ANKRD11: variants seen among roughly 807,000 people sequenced by gnomAD.
The protein encoded by ANKRD11 is ankyrin repeat domain 11.
In ANKRD11, 17 loss-of-function variants were observed where a neutral mutation model predicts 195.7. The observed-to-expected ratio is 0.09, with a 90% CI of 0.06 to 0.13. ANKRD11 has a LOEUF of 0.13. ANKRD11 is among the 10% of genes least tolerant of loss of function. The pLI, the probability that ANKRD11 is intolerant of heterozygous loss-of-function variation, is 1.00. For synonymous variants in ANKRD11, 1,953 were observed against 1,528.1 expected (o/e 1.28, Z -6.49); for missense variants, 3,735 against 3,566.1 (o/e 1.05, Z -1.21).
intron 1 of ANKRD11, 147 bp downstream of exon 1, chr16:89,490,097 AC>A (rs1323382886): frequency 2.4e-5 from 2 of 83,446 alleles, no homozygotes; most frequent in East Asian, 7.0e-4. Context: ...GCCCCCAAAG[AC>A]CCCCGCCCAC....
chr16:89,305,444 G>C lies in ANKRD11; in HGVS notation c.88-100C>G, dbSNP rs2151871130. 2.6e-6 allele frequency: 4 copies of C among 1,524,436 alleles called. No individual in the cohort carries two copies. The East Asian group carries it at 9.2e-5, about 35-fold the overall frequency. 94.4% of individuals were successfully genotyped at this position (1,524,436 alleles called of 1,614,324 possible). A position where few individuals can be genotyped will look rare whatever the true frequency, so the allele number is the denominator to read the frequency against. On this transcript the variant is annotated intron_variant, in intron 3 of 12. Coordinates refer to ENST00000301030, the MANE Select transcript of ANKRD11 (RefSeq NM_013275.6). ...GCCAGGAGAAGCGCATCTCTTATTT[G>C]GGCAATGAACACCCTCCCTGCACCC...
intron 2 of ANKRD11, among the ~76,000 whole-genome samples, chr16:89,326,388 C>A (rs910024372): frequency 6.6e-6 from 1 of 151,400 alleles, no homozygotes; most frequent in African/African-American, 2.4e-5. Flanking sequence ...GCCCCCCCCA[C>A]CCCGCTGCAG....
chr16:89,277,670 G>T (rs981398779), intron 9 of ANKRD11: 1 of 152,282 alleles, frequency 6.6e-6, no homozygotes, highest in African/African-American at 2.4e-5. Flanking sequence ...TCAGGCTCGC[G>T]GGGAAGGGAA....
intron 9 of ANKRD11, chr16:89,277,949 T>G (rs1033620671): frequency 6.3e-6 from 1 of 158,936 alleles, no homozygotes; most frequent in African/African-American, 2.4e-5. Context: ...AGCCAACGCG[T>G]GTGGAGGGCC....
chr16:89,363,394 G>A (rs944237449), intron 2 of ANKRD11, among the ~76,000 whole-genome samples: 21 of 152,102 alleles, frequency 1.4e-4, no homozygotes, highest in African/African-American at 4.6e-4. Context: ...GTTAATGGGT[G>A]CAGCACACCA....
intron 2 of ANKRD11, among the ~76,000 whole-genome samples, chr16:89,350,617 T>C (rs915843641): frequency 8.5e-5 from 13 of 152,120 alleles, no homozygotes; most frequent in African/African-American, 3.1e-4. Flanking sequence ...CGAAAGCACA[T>C]CAGCATCCTG....
intron 1 of ANKRD11, among the ~76,000 whole-genome samples, chr16:89,419,123 G>T (rs777885422): frequency 6.6e-6 from 1 of 152,184 alleles, no homozygotes; most frequent in Non-Finnish European, 1.5e-5. Flanking sequence ...AGTATTTTAA[G>T]AGGAAAAGAT....
At chr16:89,464,032 A>G (rs886650287) in intron 1 of ANKRD11, among the ~76,000 whole-genome samples, 3 of 152,190 alleles carry the variant, frequency 2.0e-5, no homozygotes, top group Non-Finnish European at 4.4e-5. Context: ...TGAGGTCAGG[A>G]GTTAAAGACC....
chr16:89,384,466 C>T (rs959870384), intron 2 of ANKRD11, among the ~76,000 whole-genome samples: 2 of 150,412 alleles, frequency 1.3e-5, no homozygotes, highest in Non-Finnish European at 2.9e-5. Context: ...TGAAATGGGA[C>T]AGGACAAGAT....
At position 89,441,033 on chromosome 16, in the gene ANKRD11, C is replaced by G. The variant is rs544673485; in HGVS notation, c.-144-22665G>C. On this transcript the variant is annotated intron_variant, in intron 1 of 12. Coordinates refer to ENST00000301030, the MANE Select transcript of ANKRD11 (RefSeq NM_013275.6). ...CGGGCAGATCATGAGGTCAGGAGAT[C>G]GAGACCATCCTGGCTAACACCGTGA... Among the ~76,000 whole-genome samples, 252 of 151,268 alleles carry G rather than the reference C, an allele frequency of 1.7e-3. 2 individuals are homozygous for G. Among genetic ancestry groups the G allele is most frequent in the African/African-American group, 5.2e-3 (213 of 41,126 alleles).
chr16:89,347,835 T>C (rs2039016331), intron 2 of ANKRD11, among the ~76,000 whole-genome samples: 1 of 152,192 alleles, frequency 6.6e-6, no homozygotes, highest in African/African-American at 2.4e-5. Context: ...GTAAGAATGG[T>C]GTCAGTCAGT....
At chr16:89,445,713 G>A (rs901062168) in intron 1 of ANKRD11, among the ~76,000 whole-genome samples, 5 of 152,136 alleles carry the variant, frequency 3.3e-5, no homozygotes, top group Non-Finnish European at 7.3e-5. Context: ...TGTGGCTCAC[G>A]CCTATAGTCC....
chr16:89,351,131 A>G (rs986233247), intron 2 of ANKRD11, among the ~76,000 whole-genome samples: 10 of 152,194 alleles, frequency 6.6e-5, no homozygotes, highest in Admixed American at 3.3e-4. Context: ...AATGCACGGG[A>G]GTGGACGATG....
chr16:89,455,615 G>A (rs1282790092), intron 1 of ANKRD11, among the ~76,000 whole-genome samples: 1 of 151,990 alleles, frequency 6.6e-6, no homozygotes, highest in Non-Finnish European at 1.5e-5. Context: ...AGCAGAGAAC[G>A]CCTAATGAAA....
intron 2 of ANKRD11, among the ~76,000 whole-genome samples, chr16:89,369,792 T>C (rs1000148306): frequency 2.0e-5 from 3 of 152,194 alleles, no homozygotes; most frequent in African/African-American, 7.2e-5. Flanking sequence ...AATGCCGATA[T>C]ACACCCTAGG....
intron 1 of ANKRD11, among the ~76,000 whole-genome samples, chr16:89,487,065 T>C (rs962489785): frequency 6.6e-6 from 1 of 150,720 alleles, no homozygotes; most frequent in Non-Finnish European, 1.5e-5. Flanking sequence ...ACTGAAAACA[T>C]TTCAAAATTT....
intron 12 of ANKRD11, chr16:89,270,413 C>A: frequency 2.0e-5 from 6 of 300,260 alleles, no homozygotes; most frequent in East Asian, 1.7e-4. Context: ...CCCTCGCGAC[C>A]GGGATAAGGG....
At chr16:89,431,972 C>T (rs2042997431) in intron 1 of ANKRD11, among the ~76,000 whole-genome samples, 1 of 152,076 alleles carries the variant, frequency 6.6e-6, no homozygotes, top group African/African-American at 2.4e-5. Flanking sequence ...AAATCCTGTC[C>T]ATTTCCAGCT....
At chr16:89,328,745 C>T (rs534516228) in intron 2 of ANKRD11, among the ~76,000 whole-genome samples, 33 of 137,168 alleles carry the variant, frequency 2.4e-4, no homozygotes, top group African/African-American at 8.2e-4. Context: ...CCCAGGAGCA[C>T]GGGCGAAATC....
Sources: allele counts gnomAD v4.1 joint callset (sites outside exome capture counted in the v4.1 genomes callset), GRCh38; gene constraint gnomAD v4.1.1; transcripts MANE v1.5; gene names NCBI Gene and HGNC (gene_info 2026-07-23, HGNC 2026-07-21).